The following CLUH variants were observed in gnomAD, a reference collection of about 807,000 sequenced individuals.
The protein encoded by CLUH is CLUH binding protein of NUMT mRNA, also known as clustered mitochondria protein homolog.
In CLUH, 77 loss-of-function variants were observed where a neutral mutation model predicts 139.3. The observed-to-expected ratio is 0.55, with a 90% confidence interval of 0.46 to 0.67. The LOEUF (loss-of-function observed/expected upper bound fraction) is 0.67. Among genes scored for constraint, CLUH ranks in the 30% least tolerant of loss-of-function variants. CLUH has a pLI of 0.00. For missense variants in CLUH, 1,876 were observed against 1,875.8 expected, an observed-to-expected ratio of 1.00 and a Z score of 0.00; for synonymous variants, 999 against 801.6, an observed-to-expected ratio of 1.25 and a Z score of -4.16.
Position 2,692,201 on chromosome 17 carries a change from C to T in CLUH, c.3561-104G>A, listed in dbSNP as rs2240731. 0.14 allele frequency: 202,607 copies of T among 1,444,422 alleles called. 17,908 individuals are homozygous for T. Among genetic ancestry groups the T allele is most frequent in the East Asian group, 0.39 (15,661 of 40,158 alleles). The allele number at this position is 1,444,422 out of a possible 1,614,324, so 89.5% of individuals were successfully genotyped here. On this transcript the variant is annotated intron_variant, in intron 22 of 25. Transcript: ENST00000651024. Reference sequence around the variant, plus strand: ...CTCCCGTAGATCCCTCCCTGGAAGCCACCGAGGGGAACAGCAAGTCCAGGG... The same window carrying T: ...CTCCCGTAGATCCCTCCCTGGAAGCTACCGAGGGGAACAGCAAGTCCAGGG...
intron 1 of CLUH, among the ~76,000 whole-genome samples, chr17:2,709,171 C>T (rs2151727304): frequency 6.6e-6 from 1 of 152,260 alleles, no homozygotes; most frequent in East Asian, 1.9e-4. Context: ...GTGTGCTGCC[C>T]AAGCCAGGCA....
At position 2,696,513 on chromosome 17, in the gene CLUH, G is replaced by A; in HGVS notation, c.2211C>T (p.Ile737=). 4 of 1,583,566 alleles carry A rather than the reference G, an allele frequency of 2.5e-6. No individual in the cohort carries two copies. Among genetic ancestry groups the A allele is most frequent in the Non-Finnish European group, 3.4e-6 (4 of 1,167,950 alleles). The part of the protein sequence containing the change: ...GTADPRSREV[I]RNACKAVGSI... The stretch of plus-strand genomic sequence containing the variant: ...AGCCGACCGCCTTGCACGCGTTGCG[G>A]ATCACCTCCCGGCTCCGAGGGTCTG... The change falls in exon 12 of 26, where the codon ATC becomes ATT. Residue 737 remains isoleucine, a synonymous_variant. Transcript: ENST00000651024.
At chr17:2,692,326 C>A in intron 22 of CLUH, 35 bp downstream of exon 22, 1 of 1,509,880 alleles carries the variant, frequency 6.6e-7, no homozygotes, top group African/African-American at 1.4e-5. Flanking sequence ...CGCAGGCCTC[C>A]GCCGGCCTTG....
intron 1 of CLUH, among the ~76,000 whole-genome samples, 168 bp downstream of exon 1, chr17:2,711,394 G>T (rs1262161611): frequency 6.6e-6 from 1 of 152,088 alleles, no homozygotes; most frequent in African/African-American, 2.4e-5. Flanking sequence ...GCAGCCGGGG[G>T]CGACTGTGAA....
In CLUH at chr17:2,690,768, G is replaced by T; in HGVS notation, c.3873C>A (p.Asp1291Glu). 1.3e-6 allele frequency: 2 copies of T among 1,514,416 alleles called. No homozygotes were observed. The highest frequency in any genetic ancestry group is 2.7e-5 in the South Asian group (2 of 75,286). 93.8% of individuals were successfully genotyped at this position (1,514,416 alleles called of 1,614,324 possible). The change falls in exon 26 of 26, where the codon GAC (aspartate) becomes GAA (glutamate). Residue 1291 changes from aspartate to glutamate, a missense_variant. Physicochemically the swap from Asp to Glu is conservative, Grantham distance 45. Coordinates refer to ENST00000651024, the MANE Select transcript of CLUH (RefSeq NM_001366661.1). ...CCACCTCGGCTTTCAGATTCTCCAG[G>T]TCTTTTTGGCTGAGGATAAGGGTGG... is the stretch of plus-strand genomic sequence containing the variant. ...GILFIPLSQK[D>E]LENLKAEVAR...
chr17:2,692,939 C>T (rs764321974), intron 19 of CLUH, 79 bp from the exon 20 acceptor site: 41 of 1,370,326 alleles, frequency 3.0e-5, no homozygotes, highest in Non-Finnish European at 3.8e-5. Flanking sequence ...GGCCCAGCAG[C>T]CCACGGTGCC....
At position 2,700,427 on chromosome 17, in the gene CLUH, G is replaced by C. The variant is rs766379845; in HGVS notation, c.1221C>G (p.Arg407=). 8 of 1,613,492 alleles carry C rather than the reference G, an allele frequency of 5.0e-6. No individual in the cohort carries two copies. The highest frequency in any genetic ancestry group is 6.8e-6 in the Non-Finnish European group (8 of 1,179,832). The change falls in exon 9 of 26, where the codon CGC becomes CGG. Residue 407 remains arginine (R), a synonymous_variant. Transcript: ENST00000651024. ...EELQTTRELP[R]KNLPERLLRE... The stretch of plus-strand genomic sequence containing the variant: ...GGAGCAGCCGCTCAGGCAGGTTCTT[G>C]CGAGGCAGCTCCCTCGTCGTCTGCA...
At chr17:2,695,946 A>G in intron 13 of CLUH, 1 of 594,492 alleles carries the variant, frequency 1.7e-6, no homozygotes, top group Non-Finnish European at 3.0e-6. Flanking sequence ...AGACTGGATT[A>G]CCAGCTGCCA....
chr17:2,698,682 A>C, intron 9 of CLUH, 92 bp from the exon 10 acceptor site: 1 of 1,208,316 alleles, frequency 8.3e-7, no homozygotes, highest in Non-Finnish European at 1.1e-6. Flanking sequence ...CCGCGGAGGC[A>C]ACCGGGCCTG....
chr17:2,694,912 G>A lies in CLUH; in HGVS notation c.2797C>T (p.Leu933Phe). ...GCCTCCTGGCAGATGTTCTTCCAGA[G>A]CTCCTGGGGGGTCATGACAGCCCAG... ...TAWAVMTPQE[L>F]WKNICQEAKN... The change falls in exon 16 of 26, where the codon CTC becomes TTC. Residue 933 changes from leucine (L) to phenylalanine (F), a missense_variant. Physicochemically the swap from Leu to Phe is conservative, Grantham distance 22. Coordinates refer to ENST00000651024, the MANE Select transcript of CLUH (RefSeq NM_001366661.1). 1 of 1,598,484 alleles carries A rather than the reference G, an allele frequency of 6.3e-7. No homozygotes were observed. The highest frequency in any genetic ancestry group is 1.1e-5 in the South Asian group (1 of 89,500).
intron 19 of CLUH, among the ~76,000 whole-genome samples, chr17:2,693,350 C>G (rs2069790649): frequency 6.6e-6 from 1 of 152,206 alleles, no homozygotes; most frequent in Admixed American, 6.5e-5. Context: ...GAGTCGATAT[C>G]ACGCCACTAC....
chr17:2,703,503 GC>G lies in CLUH; in HGVS notation c.304-15del. 2 of 1,610,016 alleles carry G rather than the reference GC, an allele frequency of 1.2e-6. No homozygotes were observed. Among genetic ancestry groups the G allele is most frequent in the Non-Finnish European group, 8.5e-7 (1 of 1,177,616 alleles). Reference sequence around the variant, plus strand: ...CTGGGGGGACACCTGCAGGGAGAAGGCCCCGCCCACCCCGGTGAGAGAGCAC... The same window carrying G: ...CTGGGGGGACACCTGCAGGGAGAAGGCCCGCCCACCCCGGTGAGAGAGCAC... On this transcript the variant is annotated splice_polypyrimidine_tract_variant and intron_variant, in intron 2 of 25. Transcript: ENST00000651024. This position sits in a 1 kb window ranked among gnomAD's most constrained non-coding sequence, Gnocchi z 4.2.
At chr17:2,702,359 G>A (rs895562833) in intron 3 of CLUH, among the ~76,000 whole-genome samples, 3 of 152,190 alleles carry the variant, frequency 2.0e-5, no homozygotes, top group African/African-American at 4.8e-5. Flanking sequence ...GCTTTTGTGC[G>A]CCAGTGTGTC....
At position 2,696,890 on chromosome 17, in the gene CLUH, T is replaced by TGGCGTTCTGCTGCATCAGCTGCAA. The variant is rs759522188; in HGVS notation, c.1990_2013dup (p.Leu664_Ala671dup). 1 of 1,611,792 alleles carries TGGCGTTCTGCTGCATCAGCTGCAA rather than the reference T, an allele frequency of 6.2e-7. No individual in the cohort carries two copies. The highest frequency in any genetic ancestry group is 1.3e-5 in the African/African-American group (1 of 75,038). ...AGGGAGGAGGGGGTCTCCAGCTGGC[T>TGGCGTTCTGCTGCATCAGCTGCAA]GGCGTTCTGCTGCATCAGCTGCAAG... On this transcript the variant is annotated inframe_insertion, in exon 11 of 26. Transcript: ENST00000651024.
rs889642855 is a variant in CLUH, at chr17:2,704,045, G to A, written c.303+317C>T. Among the ~76,000 whole-genome samples, 6 of 152,154 alleles carry A rather than the reference G, an allele frequency of 3.9e-5. No homozygotes were observed. The highest frequency in any genetic ancestry group is 2.0e-4 in the Admixed American group (3 of 15,284). On this transcript the variant is annotated intron_variant, in intron 2 of 25. Transcript: ENST00000651024. This position sits in a 1 kb window ranked among gnomAD's most constrained non-coding sequence, Gnocchi z 5.7. ...TGGTAAAATCACGGCCCAGAGAGAG[G>A]TGACTTGCCTGAGGGCACAGAGCAA...
rs58962366 is a variant in CLUH at position 2,694,429 on chromosome 17, G to GCAGCGGGGACA, written c.2937+40_2937+50dup. On this transcript the variant is annotated intron_variant, in intron 17 of 25. Transcript: ENST00000651024. ...AGGAGTGGGAGCCTGCAGCAGGGAC[G>GCAGCGGGGACA]CAGCGGGGACACAGCGGGGACACAG... The GCAGCGGGGACA allele has an allele frequency of 8.1e-6, 12 of 1,478,246 alleles. No individual in the cohort carries two copies. In the African/African-American group the frequency reaches 1.4e-4, roughly 17 times the overall value. The allele number at this position is 1,478,246 out of a possible 1,614,324, so 91.6% of individuals were successfully genotyped here. A position where few individuals can be genotyped will look rare whatever the true frequency, so the allele number is the denominator to read the frequency against.
chr17:2,701,640 G>A lies in CLUH; in HGVS notation c.717C>T (p.Pro239=), dbSNP rs756355182. 12 of 1,606,650 alleles carry A rather than the reference G, an allele frequency of 7.5e-6. No homozygotes were observed. In the Admixed American group the frequency reaches 8.5e-5, roughly 11 times the overall value. ...TCCAGTCACGGTTTTGGGGCTGCAG[G>A]GGACACAGTGGCCGCTCCCGGCTCC... ...LPGSRERPLC[P]LQPQNRDWKP... Residue 239 remains proline (P), a synonymous_variant, in exon 5 of 26, where the codon CCC becomes CCT. Transcript: ENST00000651024.
At chr17:2,694,702 C>T in intron 16 of CLUH, 138 bp from the exon 17 acceptor site, 4 of 1,349,980 alleles carry the variant, frequency 3.0e-6, no homozygotes, top group Middle Eastern at 2.6e-4. Flanking sequence ...CCCGGCTGCC[C>T]TCACCCTCCA....
rs1373639535 is a variant in CLUH, at chr17:2,698,536, C to T, written c.1321G>A (p.Gly441Ser). 6.2e-7 allele frequency: 1 copy of T among 1,611,782 alleles called. No homozygotes were observed. The highest frequency in any genetic ancestry group is 1.1e-5 in the South Asian group (1 of 90,924). Residue 441 changes from glycine (G) to serine (S), a missense_variant, in exon 10 of 26, where the codon GGC becomes AGC. Transcript: ENST00000651024. ...CTGGGGTTGATGGCCATCACGTTGC[C>T]GTCAATGACGGCCATGGCGCCCCTG... ...ATRGAMAVIDGNVMAINPSEE... is the reference protein window; with the variant it reads ...ATRGAMAVIDSNVMAINPSEE...
Sources: gnomAD v4.1 joint callset for allele counts (sites outside exome capture counted in the v4.1 genomes callset) on GRCh38, gnomAD v4.1.1 for gene constraint, Gnocchi (gnomAD v3.1) non-coding constraint, MANE v1.5 for transcripts, NCBI Gene and HGNC (gene_info 2026-07-23, HGNC 2026-07-21) for gene names.